FLRT2: variants seen among roughly 807,000 people sequenced by gnomAD.
FLRT2 encodes the protein fibronectin leucine rich transmembrane protein 2.
Under a neutral mutation model 40.0 loss-of-function variants are expected in FLRT2, and 15 were observed. The observed-to-expected ratio is 0.38, with a 90% confidence interval of 0.25 to 0.58. The LOEUF (loss-of-function observed/expected upper bound fraction) is 0.58. Among genes scored for constraint, FLRT2 ranks in the 20% least tolerant of loss-of-function variants. The pLI, the probability that FLRT2 is intolerant of heterozygous loss-of-function variation, is 0.71. For missense variants in FLRT2, 726 were observed against 840.0 expected, an observed-to-expected ratio of 0.86 and a Z score of 1.68; for synonymous variants, 380 against 336.8, an observed-to-expected ratio of 1.13 and a Z score of -1.41.
rs1893950369 is a variant in FLRT2, at chr14:85,634,280, A to C, written c.*10783A>C. ...TTGACTGCATGATTTAATTGGTTTC[A>C]GGACAGTTATTTGGCAAGTAGTATC... On this transcript the variant is annotated 3_prime_UTR_variant, in exon 2 of 2. Coordinates refer to ENST00000330753, the MANE Select transcript of FLRT2 (RefSeq NM_013231.6). 1 of 152,226 alleles carries C rather than the reference A, an allele frequency of 6.6e-6. No homozygotes were observed. The allele number at this position is 152,226 out of a possible 1,614,324, so 9.4% of individuals were successfully genotyped here.
At position 85,530,462 on chromosome 14, in the gene FLRT2, G is replaced by C. The variant is rs118107793; in HGVS notation, c.-449G>C. 1 of 153,048 alleles carries C rather than the reference G, an allele frequency of 6.5e-6. No homozygotes were observed. Among genetic ancestry groups the C allele is most frequent in the East Asian group, 1.9e-4 (1 of 5,150 alleles). 9.5% of individuals were successfully genotyped at this position (153,048 alleles called of 1,614,324 possible). On this transcript the variant is annotated 5_prime_UTR_variant, in exon 1 of 2. Transcript: ENST00000330753. ...GGATCCCCGCTGCTGCCGCGCCAGCGTCTTCCCTTTCCACCTCCCTGACCC... is the reference window on the plus strand; with the variant it reads ...GGATCCCCGCTGCTGCCGCGCCAGCCTCTTCCCTTTCCACCTCCCTGACCC...
At position 85,588,096 on chromosome 14, in the gene FLRT2, G is replaced by A. The variant is rs1891712581; in HGVS notation, c.-376-33043G>A. On this transcript the variant is annotated intron_variant, in intron 1 of 1. Transcript: ENST00000330753. ...CTTCTTTCTTATTGATGATGATGAT[G>A]GGATTAGACAAAAATATTGCAGAAC... 1.3e-5 allele frequency among the ~76,000 whole-genome samples: 2 copies of A among 151,930 alleles called. 1 individual carries two copies. The highest frequency in any genetic ancestry group is 4.2e-4 in the South Asian group (2 of 4,806).
At chr14:85,549,517 T>C (rs936982695) in intron 1 of FLRT2, among the ~76,000 whole-genome samples, 2 of 152,112 alleles carry the variant, frequency 1.3e-5, no homozygotes, top group Non-Finnish European at 2.9e-5. Context: ...CATAAAGATA[T>C]AGAGTGAACA....
Position 85,623,236 on chromosome 14 carries a change from C to T in FLRT2, c.1722C>T (p.Ser574=), listed in dbSNP as rs764693495. The change falls in exon 2 of 2, where the codon TCC becomes TCT. Residue 574 remains serine, a synonymous_variant. Transcript: ENST00000330753. ...WHMHKKGRYT[S]QKWKYNRGRR... is the part of the protein sequence containing the mutation. Reference sequence around the variant, plus strand: ...TGCACAAAAAGGGGCGCTACACCTCCCAGAAGTGGAAATACAACCGGGGCC... The same window carrying T: ...TGCACAAAAAGGGGCGCTACACCTCTCAGAAGTGGAAATACAACCGGGGCC... 1 of 1,521,006 alleles carries T rather than the reference C, an allele frequency of 6.6e-7. No individual in the cohort carries two copies. The highest frequency in any genetic ancestry group is 8.8e-7 in the Non-Finnish European group (1 of 1,135,422). 94.2% of individuals were successfully genotyped at this position (1,521,006 alleles called of 1,614,324 possible).
Position 85,590,058 on chromosome 14 carries a change from ATTTT to A in FLRT2, c.-376-31069_-376-31066del, listed in dbSNP as rs35439175. Among the ~76,000 whole-genome samples, 478 of 146,842 alleles carry A rather than the reference ATTTT, an allele frequency of 3.3e-3. 2 individuals are homozygous for A. Among genetic ancestry groups the A allele is most frequent in the African/African-American group, 0.011 (453 of 40,192 alleles). On this transcript the variant is annotated intron_variant, in intron 1 of 1. Transcript: ENST00000330753. The stretch of plus-strand genomic sequence containing the variant: ...CTCCAGTTTTGTTGTTTTTGCTCAG[ATTTT>A]TTTTTTTTTTTAAACATAACATTAT...
intron 1 of FLRT2, among the ~76,000 whole-genome samples, chr14:85,601,620 A>G (rs1892381164): frequency 6.6e-6 from 1 of 152,202 alleles, no homozygotes; most frequent in African/African-American, 2.4e-5. Flanking sequence ...CTACTTGCTA[A>G]CTGGACAAGC....
Position 85,643,122 on chromosome 14 carries a change from C to T in FLRT2, c.*19625C>T, listed in dbSNP as rs1894191136. On this transcript the variant is annotated 3_prime_UTR_variant, in exon 2 of 2. Coordinates refer to ENST00000330753, the MANE Select transcript of FLRT2 (RefSeq NM_013231.6). Reference sequence around the variant, plus strand: ...TGGATTAATTGCCTCCCAAAGGCCTCATCTTCAAACACTATTCCACTCGGG... The same window carrying T: ...TGGATTAATTGCCTCCCAAAGGCCTTATCTTCAAACACTATTCCACTCGGG... 6.6e-6 allele frequency: 1 copy of T among 152,072 alleles called. No homozygotes were observed. Among genetic ancestry groups the T allele is most frequent in the Non-Finnish European group, 1.5e-5 (1 of 68,062 alleles). The allele number at this position is 152,072 out of a possible 1,614,324, so 9.4% of individuals were successfully genotyped here.
intron 1 of FLRT2, among the ~76,000 whole-genome samples, chr14:85,611,249 G>A (rs538576143): frequency 4.9e-5 from 5 of 102,632 alleles, no homozygotes; most frequent in East Asian, 3.2e-4. Flanking sequence ...TGCGTCACAC[G>A]GGCCTCCTGC....
chr14:85,539,142 G>T (rs1394213007), intron 1 of FLRT2, among the ~76,000 whole-genome samples: 2 of 151,900 alleles, frequency 1.3e-5, no homozygotes, highest in Non-Finnish European at 2.9e-5. Flanking sequence ...ACATTTTCCA[G>T]TTCTCACATC....
At chr14:85,611,589 G>A (rs1892863260) in intron 1 of FLRT2, among the ~76,000 whole-genome samples, 1 of 152,098 alleles carries the variant, frequency 6.6e-6, no homozygotes, top group Admixed American at 6.5e-5. Context: ...CTGTCTTGGA[G>A]ATGTAGTACT....
chr14:85,564,271 G>T (rs1480163679), intron 1 of FLRT2, among the ~76,000 whole-genome samples: 1 of 152,138 alleles, frequency 6.6e-6, no homozygotes, highest in African/African-American at 2.4e-5. Context: ...GTATTGCTTG[G>T]ATTGGCTTCA....
chr14:85,554,897 G>A (rs761195062), intron 1 of FLRT2, among the ~76,000 whole-genome samples: 4 of 152,176 alleles, frequency 2.6e-5, no homozygotes, highest in Non-Finnish European at 5.9e-5. Context: ...TTGCCGTCCT[G>A]CAGAGTCAGT....
At chr14:85,549,334 T>G (rs1021195970) in intron 1 of FLRT2, among the ~76,000 whole-genome samples, 1 of 152,182 alleles carries the variant, frequency 6.6e-6, no homozygotes, top group East Asian at 1.9e-4. Context: ...GATGCTGCCA[T>G]GGGCCTGCAC....
chr14:85,612,537 C>T (rs546684171), intron 1 of FLRT2, among the ~76,000 whole-genome samples: 2 of 152,160 alleles, frequency 1.3e-5, no homozygotes, highest in South Asian at 4.1e-4. Context: ...CATTTCTAGT[C>T]ATGTTCTTGG....
In FLRT2 at chr14:85,611,248, C is replaced by T. The variant is rs1473052209; in HGVS notation, c.-376-9891C>T. ...CTGTCTTGCTCACCTGTGCGTCACACGGGCCTCCTGCTTCATCAGACACAG... is the reference window on the plus strand; with the variant it reads ...CTGTCTTGCTCACCTGTGCGTCACATGGGCCTCCTGCTTCATCAGACACAG... On this transcript the variant is annotated intron_variant, in intron 1 of 1. Coordinates refer to ENST00000330753, the MANE Select transcript of FLRT2 (RefSeq NM_013231.6). 6.4e-5 allele frequency among the ~76,000 whole-genome samples: 7 copies of T among 108,614 alleles called. No individual in the cohort carries two copies. In the East Asian group the frequency reaches 1.8e-3, roughly 28 times the overall value. 71.3% of individuals were successfully genotyped at this position (108,614 alleles called of 152,430 possible).
rs1177916878 is a variant in FLRT2, at chr14:85,652,289, A to C, written c.*28792A>C. On this transcript the variant is annotated 3_prime_UTR_variant, in exon 2 of 2. Transcript: ENST00000330753. ...CTAAATAGCACTATTAAGTGCTCTG[A>C]TATGCAGTAATATTTATATTGAGAA... is the stretch of plus-strand genomic sequence containing the variant. The C allele has an allele frequency of 2.0e-5, 3 of 152,182 alleles. No homozygotes were observed. Among genetic ancestry groups the C allele is most frequent in the African/African-American group, 7.2e-5 (3 of 41,544 alleles). The allele number at this position is 152,182 out of a possible 1,614,324, so 9.4% of individuals were successfully genotyped here. A position where few individuals can be genotyped will look rare whatever the true frequency, so the allele number is the denominator to read the frequency against.
chr14:85,582,087 C>G (rs1352810502), intron 1 of FLRT2, among the ~76,000 whole-genome samples: 2 of 152,172 alleles, frequency 1.3e-5, no homozygotes, highest in African/African-American at 2.4e-5. Flanking sequence ...AACTACCACT[C>G]TACAATCTGT....
Position 85,645,168 on chromosome 14 carries a change from G to GTA in FLRT2, c.*21673_*21674dup, listed in dbSNP as rs1894262624. ...AGTATATATATACACACATATGTGT[G>GTA]TATGTATATGTATACCTATATATAT... On this transcript the variant is annotated 3_prime_UTR_variant, in exon 2 of 2. Transcript: ENST00000330753. 6.7e-6 allele frequency: 1 copy of GTA among 149,074 alleles called. No homozygotes were observed. The highest frequency in any genetic ancestry group is 1.5e-5 in the Non-Finnish European group (1 of 67,912). The allele number at this position is 149,074 out of a possible 1,614,324, so 9.2% of individuals were successfully genotyped here. A position where few individuals can be genotyped will look rare whatever the true frequency, so the allele number is the denominator to read the frequency against.
At chr14:85,595,961 A>G (rs1228080614) in intron 1 of FLRT2, among the ~76,000 whole-genome samples, 1 of 152,164 alleles carries the variant, frequency 6.6e-6, no homozygotes, top group Non-Finnish European at 1.5e-5. Context: ...GTTGAGCTGT[A>G]CAAGTCCCCT....
Sources: allele counts gnomAD v4.1 joint callset (sites outside exome capture counted in the v4.1 genomes callset), GRCh38; gene constraint gnomAD v4.1.1; transcripts MANE v1.5; gene names NCBI Gene and HGNC (gene_info 2026-07-23, HGNC 2026-07-21).